The following ABR variants were observed in gnomAD, a reference collection of about 807,000 sequenced individuals.
ABR encodes ABR activator of RhoGEF and GTPase.
Under a neutral mutation model 107.2 loss-of-function variants are expected in ABR, and 35 were observed. That is an observed-to-expected ratio of 0.33 (90% CI 0.25 to 0.43). The LOEUF is 0.43. Ranked by LOEUF, ABR falls within the 20% of genes least tolerant of loss-of-function variation. The probability of loss-of-function intolerance (pLI) is 1.00; values close to 1 mark genes in which losing one functional copy is unlikely to be tolerated. For missense variants in ABR, 815 were observed against 1,115.2 expected (o/e 0.73, Z 3.83); for synonymous variants, 498 against 462.0 (o/e 1.08, Z -1.00).
At chr17:1,040,797 G>A (rs1455709015) in intron 16 of ABR, among the ~76,000 whole-genome samples, 1 of 152,208 alleles carries the variant, frequency 6.6e-6, no homozygotes, top group African/African-American at 2.4e-5. Flanking sequence ...GGAAGCTGAG[G>A]CTCAGAGGCA....
Position 1,027,679 on chromosome 17 carries a change from G to A in ABR, c.1792-14515C>T, listed in dbSNP as rs2072311950. On this transcript the variant is annotated intron_variant, in intron 16 of 22. Transcript: ENST00000302538. The surrounding 1 kb of genome is among the most constrained non-coding windows in gnomAD (Gnocchi z 4.7). Reference sequence around the variant, plus strand: ...TAGGCCCAGGAAGAGGTGGGCTGGTGTAGGGGCCTCCAGCTCTCGGGGGAG... The same window carrying A: ...TAGGCCCAGGAAGAGGTGGGCTGGTATAGGGGCCTCCAGCTCTCGGGGGAG... 6.6e-6 allele frequency among the ~76,000 whole-genome samples: 1 copy of A among 152,002 alleles called. No homozygotes were observed. Among genetic ancestry groups the A allele is most frequent in the South Asian group, 2.1e-4 (1 of 4,800 alleles).
intron 2 of ABR, among the ~76,000 whole-genome samples, chr17:1,114,829 A>T: frequency 6.6e-6 from 1 of 151,984 alleles, no homozygotes; most frequent in East Asian, 1.9e-4. Context: ...GACAGGAGAG[A>T]GACTATGTGA....
chr17:1,222,949 C>T (rs941031102), intron 1 of ABR, among the ~76,000 whole-genome samples: 10 of 111,702 alleles, frequency 9.0e-5, no homozygotes, highest in African/African-American at 2.8e-4. Context: ...CACCTGTAAT[C>T]CCAGCACTTT....
intron 16 of ABR, among the ~76,000 whole-genome samples, chr17:1,040,970 A>G (rs1239225882): frequency 6.6e-6 from 1 of 152,048 alleles, no homozygotes; most frequent in African/African-American, 2.4e-5. Flanking sequence ...CTGGAGTGTA[A>G]TGGCGCAATC....
chr17:1,012,592 G>A (rs1206077361), intron 18 of ABR, 96 bp downstream of exon 18: 4 of 892,450 alleles, frequency 4.5e-6, no homozygotes, highest in South Asian at 1.4e-5. Flanking sequence ...CTGATTAGGT[G>A]CCAGGATGGG....
intron 2 of ABR, among the ~76,000 whole-genome samples, chr17:1,101,750 TA>T (rs1336082266): frequency 2.6e-4 from 40 of 151,484 alleles, no homozygotes; most frequent in Middle Eastern, 6.9e-3. Flanking sequence ...TTTTTTTTTT[TA>T]GAGACGGAGT....
At chr17:1,126,138 C>T (rs2039590973) in intron 1 of ABR, among the ~76,000 whole-genome samples, 1 of 152,176 alleles carries the variant, frequency 6.6e-6, no homozygotes, top group African/African-American at 2.4e-5. Flanking sequence ...CGGAGCCCAC[C>T]CACCTTGGGA....
chr17:1,178,332 G>A (rs894232550), intron 1 of ABR, among the ~76,000 whole-genome samples: 1 of 152,072 alleles, frequency 6.6e-6, no homozygotes, highest in South Asian at 2.1e-4. Flanking sequence ...GGGAGGCTGA[G>A]GCAGGTGGAT....
Position 1,067,012 on chromosome 17 carries a change from G to A in ABR, c.1182+65C>T, listed in dbSNP as rs7216092. The A allele has an allele frequency of 0.68, 1,056,542 of 1,563,310 alleles. 358,621 individuals carry two copies. Among genetic ancestry groups the A allele is most frequent in the East Asian group, 0.84 (37,054 of 44,044 alleles). ...AAAGTCTCAAACCTTACAACTTCCT[G>A]CCTCCACCTCCCCCAACACAGCTGG... On this transcript the variant is annotated intron_variant, in intron 10 of 22. Coordinates refer to ENST00000302538, the MANE Select transcript of ABR (RefSeq NM_021962.5).
At position 1,051,725 on chromosome 17, in the gene ABR, G is replaced by A. The variant is rs2032556911; in HGVS notation, c.1562-1091C>T. On this transcript the variant is annotated intron_variant, in intron 14 of 22. Coordinates refer to ENST00000302538, the MANE Select transcript of ABR (RefSeq NM_021962.5). This position sits in a 1 kb window ranked among gnomAD's most constrained non-coding sequence, Gnocchi z 4.3. ...GTCACAGTGCGGGCATACAGTGCAGGTGGCTTACTCCACTTAGCCCCTGCA... is the reference window on the plus strand; with the variant it reads ...GTCACAGTGCGGGCATACAGTGCAGATGGCTTACTCCACTTAGCCCCTGCA... Among the ~76,000 whole-genome samples, 1 of 152,190 alleles carries A rather than the reference G, an allele frequency of 6.6e-6. No individual in the cohort carries two copies. The highest frequency in any genetic ancestry group is 2.4e-5 in the African/African-American group (1 of 41,450).
intron 16 of ABR, among the ~76,000 whole-genome samples, chr17:1,035,264 T>C (rs368946381): frequency 6.6e-6 from 1 of 151,238 alleles, no homozygotes; most frequent in South Asian, 2.1e-4. Context: ...TCTGCTGGGT[T>C]CAGCTCAGGC....
chr17:1,104,463 C>T (rs1256377752), intron 2 of ABR, among the ~76,000 whole-genome samples: 1 of 152,148 alleles, frequency 6.6e-6, no homozygotes, highest in Non-Finnish European at 1.5e-5. Flanking sequence ...GGCTGCGACT[C>T]AAGGCTATAG....
At chr17:1,140,639 G>C (rs2040248759) in intron 1 of ABR, among the ~76,000 whole-genome samples, 1 of 152,088 alleles carries the variant, frequency 6.6e-6, no homozygotes, top group Non-Finnish European at 1.5e-5. Flanking sequence ...CTGGAGTGCA[G>C]TGGTGGGATC....
intron 1 of ABR, among the ~76,000 whole-genome samples, chr17:1,178,575 A>AG (rs1202899517): frequency 1.1e-4 from 15 of 141,626 alleles, no homozygotes; most frequent in African/African-American, 3.5e-4. Context: ...AAAAAAAAAA[A>AG]AAAAGAAAGA....
rs191940645 is a variant in ABR at position 1,082,661 on chromosome 17, C to T, written c.639+859G>A. ...TAGAGTTGGCAAGAACCTTAAAAGA[C>T]GACCTATAGTCCAAATTTCCTCAAG... On this transcript the variant is annotated intron_variant, in intron 5 of 22. Coordinates refer to ENST00000302538, the MANE Select transcript of ABR (RefSeq NM_021962.5). 2.7e-3 allele frequency among the ~76,000 whole-genome samples: 409 copies of T among 152,324 alleles called. 7 individuals are homozygous for T. The highest frequency in any genetic ancestry group is 0.022 in the Admixed American group (338 of 15,296).
intron 16 of ABR, among the ~76,000 whole-genome samples, chr17:1,021,550 C>A (rs191430404): frequency 1.1e-3 from 170 of 151,656 alleles, no homozygotes; most frequent in East Asian, 6.7e-3. Flanking sequence ...TCACGCCTGT[C>A]ATCCCAGCAC....
chr17:1,099,200 G>C (rs2037704400), intron 3 of ABR, among the ~76,000 whole-genome samples: 1 of 151,774 alleles, frequency 6.6e-6, no homozygotes, highest in African/African-American at 2.4e-5. Flanking sequence ...TCAGCCTCCT[G>C]AGTAACTGGG....
Position 1,146,296 on chromosome 17 carries a change from C to CACAT in ABR, c.62-20930_62-20929insATGT, listed in dbSNP as rs3219520. ...ACACACACACACACACACACACACACATCACATCCTTGTGGCCCCACCACC... is the reference window on the plus strand; with the variant it reads ...ACACACACACACACACACACACACACACATATCACATCCTTGTGGCCCCACCACC... On this transcript the variant is annotated intron_variant, in intron 1 of 22. Transcript: ENST00000302538. 6.8e-5 allele frequency among the ~76,000 whole-genome samples: 10 copies of CACAT among 146,692 alleles called. No individual in the cohort carries two copies. The East Asian group carries it at 2.0e-3, about 29-fold the overall frequency.
intron 6 of ABR, among the ~76,000 whole-genome samples, chr17:1,074,902 T>C: frequency 6.6e-6 from 1 of 152,104 alleles, no homozygotes; most frequent in East Asian, 1.9e-4. Context: ...GCCAAGATCA[T>C]GCCACTGCAC....
Sources: gnomAD v4.1 joint callset for allele counts (sites outside exome capture counted in the v4.1 genomes callset) on GRCh38, gnomAD v4.1.1 for gene constraint, Gnocchi (gnomAD v3.1) non-coding constraint, MANE v1.5 for transcripts, NCBI Gene and HGNC (gene_info 2026-07-23, HGNC 2026-07-21) for gene names.